The following LZTFL1 variants were observed in gnomAD, a reference collection of about 807,000 sequenced individuals.
The protein encoded by LZTFL1 is leucine zipper transcription factor like 1, also known as leucine zipper transcription factor-like protein 1.
A neutral mutation model predicts 45.9 loss-of-function variants in LZTFL1; 25 were observed. The ratio of observed to expected loss-of-function variants is 0.54; its 90% CI spans 0.40 to 0.76. The LOEUF (loss-of-function observed/expected upper bound fraction) is 0.76. LZTFL1 is among the 30% of genes least tolerant of loss of function. The pLI is 0.00. For missense variants in LZTFL1, 277 were observed against 331.1 expected, an observed-to-expected ratio of 0.84 and a Z score of 1.27; for synonymous variants, 93 against 117.4, an observed-to-expected ratio of 0.79 and a Z score of 1.35.
chr3:45,854,251 G>A (rs2125704100), intron 4 of LZTFL1, among the ~76,000 whole-genome samples: 1 of 152,232 alleles, frequency 6.6e-6, no homozygotes, highest in South Asian at 2.1e-4. Flanking sequence ...TTCATCTGTT[G>A]CATCTGAGGA....
Position 45,838,065 on chromosome 3 carries a change from A to G in LZTFL1, c.4-14T>C. ...GCCCAACTCTGCCTGAAAAAGAAAGAGGTAATTTAATTGTTAGTTTTGAAG... is the reference window on the plus strand; with the variant it reads ...GCCCAACTCTGCCTGAAAAAGAAAGGGGTAATTTAATTGTTAGTTTTGAAG... On this transcript the variant is annotated splice_polypyrimidine_tract_variant and intron_variant, in intron 1 of 9. Transcript: ENST00000296135. 1 of 1,581,662 alleles carries G rather than the reference A, an allele frequency of 6.3e-7. No homozygotes were observed.
intron 2 of LZTFL1, among the ~76,000 whole-genome samples, chr3:45,887,251 C>CTG (rs36040178): frequency 0.43 from 64,202 of 149,040 alleles, 13,888 homozygotes; most frequent in Admixed American, 0.56. Context: ...GCGTGTGTGT[C>CTG]TGTGTGTGTG....
Position 45,827,423 on chromosome 3 carries a change from G to C in LZTFL1, c.814C>G (p.Arg272Gly). ...TTGGTAAGAATCTCTTTCATGTTTC[G>C]ATAAGCTGCTGTTTGCTGAAATTTC... The part of the protein sequence containing the change: ...EKKFQQTAAY[R>G]NMKEILTKKN... Residue 272 changes from arginine to glycine, a missense_variant, in exon 9 of 10, where the codon CGA (arginine) becomes GGA (glycine). Arg to Gly is a moderately radical substitution (Grantham distance 125). Transcript: ENST00000296135. The C allele has an allele frequency of 6.2e-7, 1 of 1,613,600 alleles. No homozygotes were observed. Among genetic ancestry groups the C allele is most frequent in the Non-Finnish European group, 8.5e-7 (1 of 1,179,676 alleles).
In LZTFL1 at chr3:45,824,412, A is replaced by T. The variant is rs1442432692; in HGVS notation, c.*1902T>A. The T allele has an allele frequency of 1.3e-5, 2 of 158,486 alleles. No individual in the cohort carries two copies. Among genetic ancestry groups the T allele is most frequent in the East Asian group, 3.6e-4 (2 of 5,592 alleles). 9.8% of individuals were successfully genotyped at this position (158,486 alleles called of 1,614,324 possible). On this transcript the variant is annotated 3_prime_UTR_variant, in exon 10 of 10. Transcript: ENST00000296135. ...AAAAATGACAAACCAGAAACACTAA[A>T]ATGTGTTTACATGTGAAAGAATCAT... is the stretch of plus-strand genomic sequence containing the variant.
chr3:45,834,352 C>G (rs1700910606), intron 3 of LZTFL1, 54 bp from the exon 4 acceptor site: 2 of 1,206,358 alleles, frequency 1.7e-6, no homozygotes, highest in Non-Finnish European at 1.2e-6. Flanking sequence ...ATTTATATCA[C>G]ACGCAAGAAG....
At chr3:45,906,531 G>A (rs898845507) in intron 2 of LZTFL1, among the ~76,000 whole-genome samples, 2 of 152,212 alleles carry the variant, frequency 1.3e-5, no homozygotes, top group Non-Finnish European at 2.9e-5. Context: ...ACAGGCACGA[G>A]TTTGGCCAGC....
upstream of LZTFL1, among the ~76,000 whole-genome samples, chr3:45,846,883 A>G (rs1021140554): frequency 7.9e-5 from 12 of 152,152 alleles, no homozygotes; most frequent in South Asian, 4.1e-4. Flanking sequence ...TTGTTTATCT[A>G]AAAATGTTTC....
chr3:45,908,837 C>T (rs1336380533), intron 2 of LZTFL1, among the ~76,000 whole-genome samples: 1 of 152,144 alleles, frequency 6.6e-6, no homozygotes, highest in African/African-American at 2.4e-5. Context: ...ATGCAGGGGT[C>T]CCCAACCCCT....
intron 8 of LZTFL1, 81 bp downstream of exon 8, chr3:45,828,358 A>G (rs1700722693): frequency 8.0e-7 from 1 of 1,247,062 alleles, no homozygotes; most frequent in Admixed American, 2.3e-5. Flanking sequence ...TCCAACGTTT[A>G]TCTTAGCCAC....
chr3:45,890,289 T>G (rs568300868), intron 2 of LZTFL1, among the ~76,000 whole-genome samples: 2 of 117,564 alleles, frequency 1.7e-5, no homozygotes, highest in African/African-American at 7.1e-5. Context: ...TATATTTATA[T>G]AAATATATAT....
chr3:45,911,688 G>A (rs923350322), intron 2 of LZTFL1, among the ~76,000 whole-genome samples: 10 of 152,246 alleles, frequency 6.6e-5, no homozygotes, highest in Non-Finnish European at 2.9e-5. Context: ...GAGGAACTCT[G>A]GCCATATTGT....
At chr3:45,886,651 C>A (rs1701988768) in intron 2 of LZTFL1, 1 of 152,378 alleles carries the variant, frequency 6.6e-6, no homozygotes, top group South Asian at 2.1e-4. Flanking sequence ...GCATCGCCCT[C>A]CACAGTGAGT....
rs563782964 is a variant in LZTFL1 at position 45,837,818 on chromosome 3, A to T, written c.128+109T>A. 6.7e-5 allele frequency: 80 copies of T among 1,199,056 alleles called. No homozygotes were observed. The Middle Eastern group carries it at 1.0e-3, about 15-fold the overall frequency. 74.3% of individuals were successfully genotyped at this position (1,199,056 alleles called of 1,614,324 possible). A position where few individuals can be genotyped will look rare whatever the true frequency, so the allele number is the denominator to read the frequency against. On this transcript the variant is annotated intron_variant, in intron 2 of 9. Coordinates refer to ENST00000296135, the MANE Select transcript of LZTFL1 (RefSeq NM_020347.4). ...TGTAGCTGCTCTTAGCAAATAATTG[A>T]TCATGATGAATCCCAGAAATTGTCT...
intron 2 of LZTFL1, chr3:45,913,044 T>C (rs1702828451): frequency 1.5e-6 from 2 of 1,373,348 alleles, no homozygotes; most frequent in Non-Finnish European, 2.0e-6. Flanking sequence ...GAGAATGGTT[T>C]AGAGAAAACC....
In LZTFL1 at chr3:45,826,087, G is replaced by GCTTA. The variant is rs1195416605; in HGVS notation, c.*226_*227insTAAG. On this transcript the variant is annotated 3_prime_UTR_variant, in exon 10 of 10. Coordinates refer to ENST00000296135, the MANE Select transcript of LZTFL1 (RefSeq NM_020347.4). Reference sequence around the variant, plus strand: ...AGAATTCTCAGTGCATGTGAGCTAAGACTCTGGAGCACTCAGTAGAGAGGT... The same window carrying GCTTA: ...AGAATTCTCAGTGCATGTGAGCTAAGCTTAACTCTGGAGCACTCAGTAGAGAGGT... 4 of 477,740 alleles carry GCTTA rather than the reference G, an allele frequency of 8.4e-6. No individual in the cohort carries two copies. Among genetic ancestry groups the GCTTA allele is most frequent in the Non-Finnish European group, 1.5e-5 (4 of 270,044 alleles). The allele number at this position is 477,740 out of a possible 1,614,324, so 29.6% of individuals were successfully genotyped here.
rs1702543194 is a variant in LZTFL1 at position 45,901,198 on chromosome 3, T to A, written c.-215+11922A>T. On this transcript the variant is annotated intron_variant, in intron 2 of 4. Coordinates refer to the LZTFL1 transcript ENST00000472635. This position sits in a 1 kb window ranked among gnomAD's most constrained non-coding sequence, Gnocchi z 4.3. Reference sequence around the variant, plus strand: ...AACTTCTACAGCTGTGTGTTGCTGATCATGTGCATCAGCGTGGACAGGTAC... The same window carrying A: ...AACTTCTACAGCTGTGTGTTGCTGAACATGTGCATCAGCGTGGACAGGTAC... 6.2e-7 allele frequency: 1 copy of A among 1,614,228 alleles called. No homozygotes were observed. The highest frequency in any genetic ancestry group is 8.5e-7 in the Non-Finnish European group (1 of 1,180,040).
rs4682798 is a variant in LZTFL1 at position 45,884,608 on chromosome 3, C to G, written c.-214-25592G>C. On this transcript the variant is annotated intron_variant, in intron 2 of 4. Transcript: ENST00000472635. The stretch of plus-strand genomic sequence containing the variant: ...GGCCAGCCTCACCTTCCTTCCTCCC[C>G]CGAGACTCACTCCAACGTCTAGGGG... Among the ~76,000 whole-genome samples, 1,477 of 152,288 alleles carry G rather than the reference C, an allele frequency of 9.7e-3. 55 individuals carry two copies. Among genetic ancestry groups the G allele is most frequent in the Admixed American group, 0.086 (1,321 of 15,300 alleles).
intron 7 of LZTFL1, 34 bp downstream of exon 7, chr3:45,830,879 A>G: frequency 6.3e-7 from 1 of 1,580,002 alleles, no homozygotes; most frequent in Non-Finnish European, 8.7e-7. Context: ...TTCTACTTAG[A>G]AAATGTGAGA....
Position 45,824,584 on chromosome 3 carries a change from C to G in LZTFL1, c.*1730G>C. On this transcript the variant is annotated 3_prime_UTR_variant, in exon 10 of 10. Transcript: ENST00000296135. ...TATTTCAAAACTGCTACCAAGAAAA[C>G]AAGTACAAATTCTACCTAGCAATAT... The G allele has an allele frequency of 2.7e-6, 1 of 374,674 alleles. No individual in the cohort carries two copies. Among genetic ancestry groups the G allele is most frequent in the Non-Finnish European group, 4.7e-6 (1 of 211,492 alleles). 23.2% of individuals were successfully genotyped at this position (374,674 alleles called of 1,614,324 possible).
Sources: gnomAD v4.1 joint callset for allele counts (sites outside exome capture counted in the v4.1 genomes callset) on GRCh38, gnomAD v4.1.1 for gene constraint, Gnocchi (gnomAD v3.1) non-coding constraint, MANE v1.5 for transcripts, NCBI Gene and HGNC (gene_info 2026-07-23, HGNC 2026-07-21) for gene names.